The following SPATA17 variants were observed in gnomAD, a reference collection of about 807,000 sequenced individuals.
SPATA17 encodes the protein spermatogenesis associated 17.
In SPATA17, 53 loss-of-function variants were observed where a neutral mutation model predicts 62.2. That is an observed-to-expected ratio of 0.85 (90% CI 0.68 to 1.07). The LOEUF is 1.07. SPATA17 is among the 50% of genes least tolerant of loss of function. SPATA17 has a pLI of 0.00. For synonymous variants in SPATA17, 146 were observed against 146.8 expected, an observed-to-expected ratio of 0.99 and a Z score of 0.04; for missense variants, 466 against 425.5, an observed-to-expected ratio of 1.10 and a Z score of -0.84.
At chr1:217,647,251 G>C (rs901427427) in intron 1 of SPATA17, among the ~76,000 whole-genome samples, 5 of 152,202 alleles carry the variant, frequency 3.3e-5, no homozygotes, top group African/African-American at 1.2e-4. Context: ...TTACTAAGAA[G>C]ATAGAGGCAC....
At chr1:217,831,724 G>T (rs1432487553) in intron 9 of SPATA17, among the ~76,000 whole-genome samples, 1 of 152,058 alleles carries the variant, frequency 6.6e-6, no homozygotes, top group Non-Finnish European at 1.5e-5. Flanking sequence ...TTAGAAGACT[G>T]GAAGCATGTC....
At chr1:217,688,222 G>C (rs1671266456) in intron 5 of SPATA17, among the ~76,000 whole-genome samples, 1 of 152,078 alleles carries the variant, frequency 6.6e-6, no homozygotes, top group African/African-American at 2.4e-5. Context: ...GGGCAACAGA[G>C]TGAGACTCTT....
chr1:217,637,791 A>G (rs550847179), intron 1 of SPATA17, among the ~76,000 whole-genome samples: 113 of 152,312 alleles, frequency 7.4e-4, no homozygotes, highest in African/African-American at 2.6e-3. Context: ...ATTCTGACCA[A>G]TAAAACTTAG....
chr1:217,828,417 A>T (rs1675051636), intron 9 of SPATA17, among the ~76,000 whole-genome samples: 1 of 151,358 alleles, frequency 6.6e-6, no homozygotes, highest in African/African-American at 2.4e-5. Flanking sequence ...CCATACATAA[A>T]AACCAACTTA....
At chr1:217,702,243 T>C (rs1671615330) in intron 5 of SPATA17, among the ~76,000 whole-genome samples, 1 of 152,182 alleles carries the variant, frequency 6.6e-6, no homozygotes, top group African/African-American at 2.4e-5. Context: ...AATTGCCATA[T>C]TTTATTGATT....
chr1:217,739,983 G>T (rs955065647), intron 5 of SPATA17, among the ~76,000 whole-genome samples: 1 of 151,564 alleles, frequency 6.6e-6, no homozygotes, highest in African/African-American at 2.4e-5. Flanking sequence ...CCATTATCTC[G>T]CAGTTTTTGT....
intron 5 of SPATA17, among the ~76,000 whole-genome samples, chr1:217,700,392 T>C (rs1671566534): frequency 6.6e-6 from 1 of 152,208 alleles, no homozygotes; most frequent in South Asian, 2.1e-4. Flanking sequence ...GTATATATGC[T>C]TTAAATCTAA....
intron 9 of SPATA17, among the ~76,000 whole-genome samples, chr1:217,814,282 A>C (rs1674663244): frequency 6.6e-6 from 1 of 152,194 alleles, no homozygotes; most frequent in African/African-American, 2.4e-5. Context: ...TTGTAACTGC[A>C]ATAAAGCTTG....
chr1:217,683,239 T>A lies in SPATA17; in HGVS notation c.292-19T>A. 6.5e-7 allele frequency: 1 copy of A among 1,533,436 alleles called. No individual in the cohort carries two copies. Among genetic ancestry groups the A allele is most frequent in the Non-Finnish European group, 8.9e-7 (1 of 1,123,938 alleles). 95.0% of individuals were successfully genotyped at this position (1,533,436 alleles called of 1,614,324 possible). A position where few individuals can be genotyped will look rare whatever the true frequency, so the allele number is the denominator to read the frequency against. On this transcript the variant is annotated intron_variant, in intron 4 of 10. Transcript: ENST00000366933. Reference sequence around the variant, plus strand: ...AAAGTGTTTAATGGCATATTTTATCTCTTTATTTACTTTAATAGATTCAGA... The same window carrying A: ...AAAGTGTTTAATGGCATATTTTATCACTTTATTTACTTTAATAGATTCAGA...
intron 5 of SPATA17, among the ~76,000 whole-genome samples, chr1:217,720,708 A>G (rs151273471): frequency 6.6e-6 from 1 of 152,370 alleles, no homozygotes; most frequent in East Asian, 1.9e-4. Flanking sequence ...ATACAGGATT[A>G]TAATTTGTAT....
At chr1:217,861,123 A>G (rs1675889578) in intron 9 of SPATA17, among the ~76,000 whole-genome samples, 1 of 151,922 alleles carries the variant, frequency 6.6e-6, no homozygotes, top group Non-Finnish European at 1.5e-5. Context: ...ATTTCTTATA[A>G]CATTGCTGTC....
intron 1 of SPATA17, among the ~76,000 whole-genome samples, chr1:217,634,428 A>G (rs1330660109): frequency 6.6e-6 from 1 of 151,976 alleles, no homozygotes; most frequent in Non-Finnish European, 1.5e-5. Context: ...TCTTGCACTG[A>G]GTCAATTCTG....
chr1:217,853,188 C>A (rs1420832099), intron 9 of SPATA17, among the ~76,000 whole-genome samples: 1 of 152,048 alleles, frequency 6.6e-6, no homozygotes. Context: ...ATGATTATTC[C>A]TGATGGTAAT....
chr1:217,711,801 A>G (rs1282169417), intron 5 of SPATA17, among the ~76,000 whole-genome samples: 3 of 152,194 alleles, frequency 2.0e-5, no homozygotes, highest in Non-Finnish European at 4.4e-5. Context: ...GACTGGGACT[A>G]TAATACGTTT....
chr1:217,866,341 C>G (rs1676010113), intron 10 of SPATA17: 1 of 152,170 alleles, frequency 6.6e-6, no homozygotes, highest in Non-Finnish European at 1.5e-5. Flanking sequence ...CCCCACCTAC[C>G]TGTGTGAAGA....
intron 9 of SPATA17, among the ~76,000 whole-genome samples, chr1:217,830,218 G>C (rs931623084): frequency 1.3e-5 from 2 of 152,034 alleles, no homozygotes; most frequent in African/African-American, 4.8e-5. Context: ...AATGTAACAA[G>C]CAACTCTTTG....
At chr1:217,715,532 A>C (rs1297537033) in intron 5 of SPATA17, among the ~76,000 whole-genome samples, 2 of 152,186 alleles carry the variant, frequency 1.3e-5, no homozygotes, top group Non-Finnish European at 2.9e-5. Context: ...TGCTGATGAA[A>C]TATCACATTT....
At chr1:217,683,075 A>G (rs1049093658) in intron 4 of SPATA17, among the ~76,000 whole-genome samples, 183 bp from the exon 5 acceptor site, 3 of 152,060 alleles carry the variant, frequency 2.0e-5, no homozygotes, top group Middle Eastern at 6.8e-3. Context: ...TTTTTATAAT[A>G]TTTCATAAAA....
Position 217,848,330 on chromosome 1 carries a change from T to G in SPATA17, c.1006-14444T>G, listed in dbSNP as rs375121405. Among the ~76,000 whole-genome samples the G allele has an allele frequency of 3.0e-4, 46 of 152,204 alleles. 4 individuals carry two copies. Among genetic ancestry groups the G allele is most frequent in the Admixed American group, 2.0e-3 (30 of 15,278 alleles). On this transcript the variant is annotated intron_variant, in intron 9 of 10. Coordinates refer to ENST00000366933, the MANE Select transcript of SPATA17 (RefSeq NM_138796.4). ...TCTCTTGATTTATCAATTTCTGTGT[T>G]AGCCATTGACCTTCAACTATGGTAG...
Sources: gnomAD v4.1 joint callset for allele counts (sites outside exome capture counted in the v4.1 genomes callset) on GRCh38, gnomAD v4.1.1 for gene constraint, MANE v1.5 for transcripts, NCBI Gene and HGNC (gene_info 2026-07-23, HGNC 2026-07-21) for gene names.